Variants in ATP9B observed in about 807,000 individuals in gnomAD.
ATP9B encodes probable phospholipid-transporting ATPase IIB.
A neutral mutation model predicts 146.1 loss-of-function variants in ATP9B; 110 were observed. That is an observed-to-expected ratio of 0.75 (90% CI 0.65 to 0.88). ATP9B has a LOEUF of 0.88. Among genes scored for constraint, ATP9B ranks in the 40% least tolerant of loss-of-function variants. The pLI is 0.00. For synonymous variants in ATP9B, 604 were observed against 569.7 expected, an observed-to-expected ratio of 1.06 and a Z score of -0.86; for missense variants, 1,499 against 1,496.4, an observed-to-expected ratio of 1.00 and a Z score of -0.03.
chr18:79,338,574 C>G (rs944444569), intron 19 of ATP9B, among the ~76,000 whole-genome samples: 1 of 152,152 alleles, frequency 6.6e-6, no homozygotes, highest in African/African-American at 2.4e-5. Context: ...GGTTAGGCAT[C>G]CTGACCATCC....
At chr18:79,210,582 G>T (rs931888782) in intron 10 of ATP9B, among the ~76,000 whole-genome samples, 1 of 152,200 alleles carries the variant, frequency 6.6e-6, no homozygotes, top group Admixed American at 6.5e-5. Flanking sequence ...ACATCCTGGG[G>T]CTCAGTTCAC....
At chr18:79,214,668 A>G (rs1396916958) in intron 11 of ATP9B, among the ~76,000 whole-genome samples, 3 of 152,228 alleles carry the variant, frequency 2.0e-5, no homozygotes, top group African/African-American at 7.2e-5. Flanking sequence ...TGTACAGTTA[A>G]TGAGAAGCTC....
Position 79,272,223 on chromosome 18 carries a change from C to G in ATP9B, c.1269-4831C>G, listed in dbSNP as rs190693104. ...TGCTGTATTTTCTGTGTCTTAGGACCCAAGACTACATTTGTTTGTCCTTAC... is the reference window on the plus strand; with the variant it reads ...TGCTGTATTTTCTGTGTCTTAGGACGCAAGACTACATTTGTTTGTCCTTAC... On this transcript the variant is annotated intron_variant, in intron 12 of 29. Transcript: ENST00000426216. Among the ~76,000 whole-genome samples, 5 of 152,246 alleles carry G rather than the reference C, an allele frequency of 3.3e-5. No homozygotes were observed. The East Asian group carries it at 9.6e-4, about 29-fold the overall frequency.
intron 26 of ATP9B, chr18:79,363,639 CAT>C (rs1341592643): frequency 2.0e-5 from 3 of 152,288 alleles, no homozygotes; most frequent in African/African-American, 7.2e-5. Flanking sequence ...GATTGAGAGA[CAT>C]AAACAGATGT....
chr18:79,187,916 C>A (rs956708550), intron 8 of ATP9B, among the ~76,000 whole-genome samples: 12 of 152,036 alleles, frequency 7.9e-5, no homozygotes, highest in African/African-American at 2.9e-4. Flanking sequence ...TTTAGGTGAT[C>A]GAATCTTCTC....
chr18:79,265,373 T>A (rs1209388929), intron 12 of ATP9B, among the ~76,000 whole-genome samples: 2 of 152,184 alleles, frequency 1.3e-5, no homozygotes, highest in Non-Finnish European at 2.9e-5. Context: ...CTCAAACTCC[T>A]GACCTCCTGA....
intron 2 of ATP9B, among the ~76,000 whole-genome samples, chr18:79,105,855 A>G (rs1462632531): frequency 6.6e-6 from 1 of 152,224 alleles, no homozygotes; most frequent in Non-Finnish European, 1.5e-5. Flanking sequence ...GAATGTGCTC[A>G]TCTTTTAAGA....
chr18:79,246,405 G>T (rs962360352), intron 11 of ATP9B, among the ~76,000 whole-genome samples: 2 of 151,844 alleles, frequency 1.3e-5, no homozygotes, highest in African/African-American at 4.8e-5. Context: ...GGAGGACACC[G>T]CCCTACTGAC....
chr18:79,241,004 A>G (rs1481900680), intron 11 of ATP9B, among the ~76,000 whole-genome samples: 1 of 152,212 alleles, frequency 6.6e-6, no homozygotes, highest in African/African-American at 2.4e-5. Context: ...GGAAGGCTGA[A>G]TAACAGACAT....
intron 9 of ATP9B, among the ~76,000 whole-genome samples, chr18:79,203,634 A>G (rs987832693): frequency 3.3e-5 from 5 of 152,224 alleles, no homozygotes; most frequent in African/African-American, 1.2e-4. Flanking sequence ...AAACATGTCA[A>G]TTGCTCTGAT....
At chr18:79,168,285 G>T (rs1005152017) in intron 7 of ATP9B, among the ~76,000 whole-genome samples, 1 of 152,146 alleles carries the variant, frequency 6.6e-6, no homozygotes, top group Non-Finnish European at 1.5e-5. Context: ...CATCCTGCGG[G>T]GGGATAGATT....
At chr18:79,140,729 G>A (rs34920149) in intron 5 of ATP9B, among the ~76,000 whole-genome samples, 9,529 of 152,118 alleles carry the variant, frequency 0.063, 367 homozygotes, top group Non-Finnish European at 0.092. Flanking sequence ...GCAGTGAGTC[G>A]AAATCGCACC....
chr18:79,176,131 T>C (rs192676341), intron 7 of ATP9B, among the ~76,000 whole-genome samples: 1 of 152,354 alleles, frequency 6.6e-6, no homozygotes, highest in Non-Finnish European at 1.5e-5. Context: ...CAGCTCGTCC[T>C]CTGTTTGTTC....
rs973647738 is a variant in ATP9B at position 79,239,054 on chromosome 18, G to A, written c.1108-14327G>A. On this transcript the variant is annotated intron_variant, in intron 11 of 29. Coordinates refer to ENST00000426216, the MANE Select transcript of ATP9B (RefSeq NM_198531.5). This position sits in a 1 kb window ranked among gnomAD's most constrained non-coding sequence, Gnocchi z 5.1. ...TCATGCCTCAGGTAGGCAGGCTCAA[G>A]GAGAGCCTCCAGCCACTGAGCCCCA... Among the ~76,000 whole-genome samples the A allele has an allele frequency of 2.0e-5, 3 of 152,190 alleles. No individual in the cohort carries two copies. The highest frequency in any genetic ancestry group is 4.4e-5 in the Non-Finnish European group (3 of 68,034).
intron 6 of ATP9B, among the ~76,000 whole-genome samples, chr18:79,151,223 C>G (rs186790974): frequency 1.3e-5 from 2 of 152,300 alleles, no homozygotes; most frequent in Admixed American, 1.3e-4. Context: ...TCAGCATTTA[C>G]AGGAACTAGC....
intron 13 of ATP9B, among the ~76,000 whole-genome samples, chr18:79,297,109 CACAGACGACCCAGAGAGGAG>C (rs1229304803): frequency 2.2e-5 from 3 of 139,342 alleles, no homozygotes; most frequent in Non-Finnish European, 3.1e-5. Flanking sequence ...AGAGAGAAGA[CACAGACGACCCAGAGAGGAG>C]ACAGACGACC....
chr18:79,347,492 G>A lies in ATP9B; in HGVS notation c.2683-278G>A, dbSNP rs192804399. Among the ~76,000 whole-genome samples the A allele has an allele frequency of 3.3e-5, 5 of 152,334 alleles. No homozygotes were observed. The East Asian group carries it at 5.8e-4, about 18-fold the overall frequency. Reference sequence around the variant, plus strand: ...GGGAGTCCTTCAACAGGGCTGGCCCGGACTCTGCAGCTCTGCTGACTCCTG... The same window carrying A: ...GGGAGTCCTTCAACAGGGCTGGCCCAGACTCTGCAGCTCTGCTGACTCCTG... On this transcript the variant is annotated intron_variant, in intron 23 of 29. Coordinates refer to ENST00000426216, the MANE Select transcript of ATP9B (RefSeq NM_198531.5).
chr18:79,289,611 T>C (rs190971818), intron 13 of ATP9B, among the ~76,000 whole-genome samples: 55 of 152,350 alleles, frequency 3.6e-4, no homozygotes, highest in African/African-American at 1.1e-3. Context: ...TTCTCTCAAC[T>C]CGTCAAAGTC....
intron 13 of ATP9B, among the ~76,000 whole-genome samples, chr18:79,288,314 A>T (rs1287805761): frequency 6.6e-6 from 1 of 151,854 alleles, no homozygotes; most frequent in African/African-American, 2.4e-5. Context: ...TATTGGGTGC[A>T]TATATATTTA....
Sources: allele counts gnomAD v4.1 joint callset (sites outside exome capture counted in the v4.1 genomes callset), GRCh38; gene constraint gnomAD v4.1.1; non-coding constraint Gnocchi (gnomAD v3.1); transcripts MANE v1.5; gene names NCBI Gene and HGNC (gene_info 2026-07-23, HGNC 2026-07-21).